Variants in TRIM44 observed in about 807,000 individuals in gnomAD.
TRIM44 encodes the protein tripartite motif containing 44.
TRIM44 carries 13 observed loss-of-function variants against 37.4 expected under a neutral mutation model. The ratio of observed to expected loss-of-function variants is 0.35; its 90% CI spans 0.23 to 0.55. TRIM44 has a LOEUF of 0.55. Ranked by LOEUF, TRIM44 falls within the 20% of genes least tolerant of loss-of-function variation. The pLI is 0.89. For missense variants in TRIM44, 426 were observed against 437.2 expected (o/e 0.97, Z 0.23); for synonymous variants, 175 against 157.2 (o/e 1.11, Z -0.85).
At chr11:35,703,538 C>T (rs534382895) in intron 2 of TRIM44, among the ~76,000 whole-genome samples, 12 of 152,006 alleles carry the variant, frequency 7.9e-5, no homozygotes, top group East Asian at 1.9e-4. Flanking sequence ...ACACCTCACA[C>T]GGCCGGGTAC....
chr11:35,771,449 C>G (rs190687121), intron 4 of TRIM44, among the ~76,000 whole-genome samples: 15 of 152,112 alleles, frequency 9.9e-5, no homozygotes, highest in Non-Finnish European at 2.1e-4. Context: ...GTTTTGGATG[C>G]GCACGGTGGC....
chr11:35,722,752 T>C lies in TRIM44; in HGVS notation c.748-3172T>C, dbSNP rs535593039. Among the ~76,000 whole-genome samples, 10 of 152,278 alleles carry C rather than the reference T, an allele frequency of 6.6e-5. No individual in the cohort carries two copies. In the South Asian group the frequency reaches 2.1e-3, roughly 32 times the overall value. ...TGACCTGTATCTTGTGCCGACCTCTTATCTCATCCTAAGAATGCCTAACCT... is the reference window on the plus strand; with the variant it reads ...TGACCTGTATCTTGTGCCGACCTCTCATCTCATCCTAAGAATGCCTAACCT... On this transcript the variant is annotated intron_variant, in intron 2 of 4. Coordinates refer to ENST00000299413, the MANE Select transcript of TRIM44 (RefSeq NM_017583.6).
In TRIM44 at chr11:35,813,181, A is replaced by G. The variant is rs528372636; in HGVS notation, c.*6796A>G. On this transcript the variant is annotated 3_prime_UTR_variant, in exon 5 of 5. Transcript: ENST00000299413. ...ATAAAAATGGCCCACAACCTTCACA[A>G]TATTTTAGGATTCATGGCAACTCAT... The G allele has an allele frequency of 3.3e-5, 5 of 152,288 alleles. No homozygotes were observed. In the South Asian group the frequency reaches 6.2e-4, roughly 19 times the overall value. The allele number at this position is 152,288 out of a possible 1,614,324, so 9.4% of individuals were successfully genotyped here.
intron 1 of TRIM44, among the ~76,000 whole-genome samples, chr11:35,675,394 A>G (rs1851448893): frequency 6.6e-6 from 1 of 152,198 alleles, no homozygotes; most frequent in Non-Finnish European, 1.5e-5. Flanking sequence ...TAGGCAGTCT[A>G]AGGTTGGCGT....
chr11:35,694,721 A>C (rs2135496121), intron 2 of TRIM44, among the ~76,000 whole-genome samples: 1 of 152,160 alleles, frequency 6.6e-6, no homozygotes, highest in East Asian at 1.9e-4. Context: ...CAATGAGTGC[A>C]CATTTTTAAG....
chr11:35,778,806 A>G (rs1057426719), intron 4 of TRIM44, among the ~76,000 whole-genome samples: 4 of 152,112 alleles, frequency 2.6e-5, no homozygotes, highest in African/African-American at 9.7e-5. Context: ...CTTCCTTTGG[A>G]AGCTTCATCT....
Position 35,800,096 on chromosome 11 carries a change from C to T in TRIM44, c.1008-6262C>T, listed in dbSNP as rs539385944. 2.0e-5 allele frequency among the ~76,000 whole-genome samples: 3 copies of T among 152,246 alleles called. No individual in the cohort carries two copies. In the South Asian group the frequency reaches 6.2e-4, roughly 32 times the overall value. On this transcript the variant is annotated intron_variant, in intron 4 of 4. Coordinates refer to ENST00000299413, the MANE Select transcript of TRIM44 (RefSeq NM_017583.6). ...TCAAGAATGAAGCCGCGGACCTTCG[C>T]GGTGAGTGTTACAGCTCTTAAAGGT... is the stretch of plus-strand genomic sequence containing the variant.
At chr11:35,780,906 GA>G (rs1209791633) in intron 4 of TRIM44, among the ~76,000 whole-genome samples, 3 of 152,170 alleles carry the variant, frequency 2.0e-5, no homozygotes, top group African/African-American at 7.2e-5. Context: ...TCTTGGTGCT[GA>G]GGATACAGGG....
At chr11:35,787,885 T>C (rs1047307215) in intron 4 of TRIM44, among the ~76,000 whole-genome samples, 2 of 152,124 alleles carry the variant, frequency 1.3e-5, no homozygotes, top group Non-Finnish European at 2.9e-5. Context: ...CTACCACTGT[T>C]CACAGCCTCA....
chr11:35,702,787 C>T (rs765323363), intron 2 of TRIM44, among the ~76,000 whole-genome samples: 28 of 152,130 alleles, frequency 1.8e-4, no homozygotes, highest in Non-Finnish European at 3.1e-4. Flanking sequence ...GAAAGATGGC[C>T]GAATAGGAAC....
At chr11:35,797,280 A>T (rs1461679722) in intron 4 of TRIM44, among the ~76,000 whole-genome samples, 2 of 152,248 alleles carry the variant, frequency 1.3e-5, no homozygotes, top group Non-Finnish European at 2.9e-5. Flanking sequence ...AATAAAATAA[A>T]CATCCATGAG....
At chr11:35,667,090 G>A (rs1475948914) in intron 1 of TRIM44, among the ~76,000 whole-genome samples, 4 of 152,142 alleles carry the variant, frequency 2.6e-5, no homozygotes, top group African/African-American at 4.8e-5. Context: ...GCACAAATAA[G>A]TGATATGTTC....
At chr11:35,787,173 C>T (rs1252390974) in intron 4 of TRIM44, among the ~76,000 whole-genome samples, 2 of 152,152 alleles carry the variant, frequency 1.3e-5, no homozygotes, top group South Asian at 2.1e-4. Flanking sequence ...TCCAGCAAAG[C>T]GAGATGGTGC....
chr11:35,681,917 C>T (rs1331467977), intron 1 of TRIM44, among the ~76,000 whole-genome samples: 2 of 151,740 alleles, frequency 1.3e-5, no homozygotes, highest in Non-Finnish European at 1.5e-5. Flanking sequence ...ACCCTTAGAC[C>T]CAAACAACCC....
intron 1 of TRIM44, among the ~76,000 whole-genome samples, chr11:35,668,777 T>C (rs1010263438): frequency 1.3e-5 from 2 of 152,262 alleles, no homozygotes; most frequent in African/African-American, 2.4e-5. Flanking sequence ...TTTTTGACTA[T>C]GGACTCAATT....
chr11:35,758,039 A>C (rs1462184392), intron 4 of TRIM44, among the ~76,000 whole-genome samples: 2 of 152,092 alleles, frequency 1.3e-5, no homozygotes, highest in African/African-American at 4.8e-5. Context: ...GCTGAGTTCA[A>C]TTCCTGGGTA....
chr11:35,757,591 AG>A (rs1163511019), intron 4 of TRIM44, among the ~76,000 whole-genome samples: 1 of 152,080 alleles, frequency 6.6e-6, no homozygotes, highest in East Asian at 1.9e-4. Context: ...TTGTGATGTT[AG>A]GGTGTCAATT....
chr11:35,800,635 C>T (rs1404249540), intron 4 of TRIM44, among the ~76,000 whole-genome samples: 2 of 152,156 alleles, frequency 1.3e-5, no homozygotes, highest in Non-Finnish European at 2.9e-5. Flanking sequence ...CTCTCAGTAC[C>T]GGGCATCAAC....
chr11:35,789,891 A>G (rs960864014), intron 4 of TRIM44, among the ~76,000 whole-genome samples: 2 of 151,918 alleles, frequency 1.3e-5, no homozygotes, highest in African/African-American at 2.4e-5. Context: ...ATAGATTTCT[A>G]TTGAAATCTA....
Sources: allele counts gnomAD v4.1 joint callset (sites outside exome capture counted in the v4.1 genomes callset), GRCh38; gene constraint gnomAD v4.1.1; transcripts MANE v1.5; gene names NCBI Gene and HGNC (gene_info 2026-07-23, HGNC 2026-07-21).